The following FBXL17 variants were observed in gnomAD, a reference collection of about 807,000 sequenced individuals.
The protein encoded by FBXL17 is F-box/LRR-repeat protein 17.
In FBXL17, 22 loss-of-function variants were observed where a neutral mutation model predicts 66.2. The ratio of observed to expected loss-of-function variants is 0.33; its 90% confidence interval spans 0.24 to 0.47. FBXL17 has a LOEUF of 0.47. FBXL17 is among the 20% of genes least tolerant of loss of function. The pLI, the probability that FBXL17 is intolerant of heterozygous loss-of-function variation, is 1.00. For missense variants in FBXL17, 878 were observed against 948.2 expected, an observed-to-expected ratio of 0.93 and a Z score of 0.97; for synonymous variants, 474 against 400.5, an observed-to-expected ratio of 1.18 and a Z score of -2.19.
chr5:108,075,952 A>C (rs1358804956), intron 6 of FBXL17, among the ~76,000 whole-genome samples: 1 of 152,364 alleles, frequency 6.6e-6, no homozygotes, highest in East Asian at 1.9e-4. Flanking sequence ...ATGAGTATTC[A>C]TAAATTAAAG....
Position 108,357,902 on chromosome 5 carries a change from G to A in FBXL17, c.1374+6836C>T, listed in dbSNP as rs184715516. ...ATAAAAATAAAACATCAAAATTTAT[G>A]AGATCCAGCAAAAGCAGTGTTTAAA... On this transcript the variant is annotated intron_variant, in intron 3 of 8. Transcript: ENST00000542267. Among the ~76,000 whole-genome samples, 732 of 152,024 alleles carry A rather than the reference G, an allele frequency of 4.8e-3. 6 individuals carry two copies. Among genetic ancestry groups the A allele is most frequent in the Middle Eastern group, 0.014 (4 of 294 alleles).
intron 6 of FBXL17, among the ~76,000 whole-genome samples, chr5:108,111,183 C>T (rs1187116854): frequency 6.6e-6 from 1 of 150,898 alleles, no homozygotes; most frequent in Non-Finnish European, 1.5e-5. Context: ...TCTGCAGACC[C>T]TGCTTTTCAA....
At position 108,024,502 on chromosome 5, in the gene FBXL17, C is replaced by T. The variant is rs1024789397; in HGVS notation, c.1746-3501G>A. Among the ~76,000 whole-genome samples the T allele has an allele frequency of 4.0e-4, 61 of 152,216 alleles. 1 individual carries two copies. The highest frequency in any genetic ancestry group is 1.4e-3 in the African/African-American group (60 of 41,546). On this transcript the variant is annotated intron_variant, in intron 6 of 8. Coordinates refer to ENST00000542267, the MANE Select transcript of FBXL17 (RefSeq NM_001163315.3). ...TGAAAAAGTTATCCAAATCAAATGT[C>T]TTCGGTTCATTTAAATATACTTTAA...
chr5:108,336,905 T>G (rs956264874), intron 4 of FBXL17, among the ~76,000 whole-genome samples: 9 of 152,140 alleles, frequency 5.9e-5, no homozygotes, highest in African/African-American at 2.2e-4. Flanking sequence ...TGGTTATGTT[T>G]AAAGTTACTG....
intron 5 of FBXL17, among the ~76,000 whole-genome samples, chr5:108,189,927 TAAG>T (rs1224348631): frequency 2.6e-5 from 4 of 152,170 alleles, no homozygotes; most frequent in African/African-American, 7.2e-5. Flanking sequence ...CATGAGCTTG[TAAG>T]AAGACTTGAG....
At chr5:108,142,795 G>C (rs1270743545) in intron 6 of FBXL17, among the ~76,000 whole-genome samples, 1 of 151,932 alleles carries the variant, frequency 6.6e-6, no homozygotes, top group East Asian at 1.9e-4. Context: ...ATTATGACCT[G>C]AGCTAAGCCT....
At chr5:108,359,810 G>A (rs1164004474) in intron 3 of FBXL17, among the ~76,000 whole-genome samples, 1 of 151,998 alleles carries the variant, frequency 6.6e-6, no homozygotes, top group Non-Finnish European at 1.5e-5. Context: ...AGGTGCAGTG[G>A]GTTCATGGTA....
At chr5:107,994,847 A>C (rs1172516435) in intron 7 of FBXL17, among the ~76,000 whole-genome samples, 1 of 152,186 alleles carries the variant, frequency 6.6e-6, no homozygotes, top group Non-Finnish European at 1.5e-5. Context: ...CTCAAAAAAC[A>C]AAAACAAAAA....
intron 7 of FBXL17, among the ~76,000 whole-genome samples, chr5:108,009,258 G>GTTTT (rs34746145): frequency 1.1e-4 from 1 of 9,316 alleles, no homozygotes; most frequent in African/African-American, 1.8e-4. Context: ...GTTGTTCCCT[G>GTTTT]TTTTATATAT....
intron 6 of FBXL17, among the ~76,000 whole-genome samples, chr5:108,165,812 G>A (rs1752394765): frequency 6.6e-6 from 1 of 152,202 alleles, no homozygotes; most frequent in Admixed American, 6.5e-5. Context: ...CCAGTCACAA[G>A]TGGCAGTGTT....
At chr5:108,234,070 A>G (rs1755488662) in intron 4 of FBXL17, among the ~76,000 whole-genome samples, 1 of 152,156 alleles carries the variant, frequency 6.6e-6, no homozygotes, top group South Asian at 2.1e-4. Context: ...AGAAATGGCC[A>G]TATATAACTA....
chr5:108,200,868 T>A (rs145671997), intron 5 of FBXL17, among the ~76,000 whole-genome samples: 1 of 152,264 alleles, frequency 6.6e-6, no homozygotes, highest in Non-Finnish European at 1.5e-5. Flanking sequence ...TGTGAAGAGC[T>A]CAATTGCCTT....
Position 108,214,278 on chromosome 5 carries a change from G to A in FBXL17, c.1614+9843C>T, listed in dbSNP as rs188968986. ...GGGGGTTGTGGAATATATCCCACGA[G>A]GATAAGGGGGAATTACTGTATATGT... On this transcript the variant is annotated intron_variant, in intron 5 of 8. Transcript: ENST00000542267. Among the ~76,000 whole-genome samples, 85 of 152,100 alleles carry A rather than the reference G, an allele frequency of 5.6e-4. 1 individual carries two copies. In the East Asian group the frequency reaches 0.015, roughly 28 times the overall value.
chr5:108,164,511 G>A (rs1015339538), intron 6 of FBXL17, among the ~76,000 whole-genome samples: 1 of 151,764 alleles, frequency 6.6e-6, no homozygotes, highest in African/African-American at 2.4e-5. Context: ...GTATTTTTTT[G>A]AACACTGTGG....
At chr5:108,146,856 T>C (rs1751581544) in intron 6 of FBXL17, among the ~76,000 whole-genome samples, 2 of 152,206 alleles carry the variant, frequency 1.3e-5, no homozygotes, top group Non-Finnish European at 2.9e-5. Context: ...AGCAGTGTCT[T>C]AGTCTGTTCC....
Position 108,350,503 on chromosome 5 carries a change from C to A in FBXL17, c.1375-1973G>T, listed in dbSNP as rs192016843. Among the ~76,000 whole-genome samples the A allele has an allele frequency of 1.3e-4, 20 of 152,266 alleles. No homozygotes were observed. The East Asian group carries it at 3.5e-3, about 26-fold the overall frequency. On this transcript the variant is annotated intron_variant, in intron 3 of 8. Transcript: ENST00000542267. ...CAACTTCCAGACTGAAAAGGCTTAT[C>A]CACTTGTCCAGCATAAATGACAAAA...
intron 6 of FBXL17, among the ~76,000 whole-genome samples, chr5:108,124,831 T>C (rs951718362): frequency 1.3e-5 from 2 of 152,074 alleles, no homozygotes; most frequent in African/African-American, 2.4e-5. Context: ...CTGAGCAGCA[T>C]TTAAAAAGCA....
At chr5:108,275,518 G>A (rs1757448689) in intron 4 of FBXL17, among the ~76,000 whole-genome samples, 1 of 152,120 alleles carries the variant, frequency 6.6e-6, no homozygotes, top group African/African-American at 2.4e-5. Context: ...CACTAAATAG[G>A]TCAAATGTTT....
intron 6 of FBXL17, among the ~76,000 whole-genome samples, chr5:108,081,821 A>G (rs990821979): frequency 2.0e-5 from 3 of 152,162 alleles, no homozygotes; most frequent in African/African-American, 7.2e-5. Flanking sequence ...TAAATGTCCA[A>G]GTCATTCCTC....
Sources: gnomAD v4.1 joint callset for allele counts (sites outside exome capture counted in the v4.1 genomes callset) on GRCh38, gnomAD v4.1.1 for gene constraint, MANE v1.5 for transcripts, NCBI Gene and HGNC (gene_info 2026-07-23, HGNC 2026-07-21) for gene names.